The following KDSR variants were observed in gnomAD, a reference collection of about 807,000 sequenced individuals.
KDSR encodes the protein 3-ketodihydrosphingosine reductase, also known as 3-dehydrosphinganine reductase.
Under a neutral mutation model 41.3 loss-of-function variants are expected in KDSR, and 23 were observed. The ratio of observed to expected loss-of-function variants is 0.56; its 90% CI spans 0.40 to 0.79. KDSR has a LOEUF of 0.79. Ranked by LOEUF, KDSR falls within the 30% of genes least tolerant of loss-of-function variation. The pLI is 0.00. For synonymous variants in KDSR, 138 were observed against 151.7 expected (o/e 0.91, Z 0.66); for missense variants, 351 against 416.8 (o/e 0.84, Z 1.37).
At chr18:63,354,916 A>G (rs1048861137) in intron 5 of KDSR, among the ~76,000 whole-genome samples, 18 of 152,198 alleles carry the variant, frequency 1.2e-4, no homozygotes, top group African/African-American at 4.1e-4. Context: ...TCTCTTGAAA[A>G]TATGACCTCA....
At chr18:63,343,330 G>A (rs1411332728) in intron 7 of KDSR, among the ~76,000 whole-genome samples, 1 of 151,774 alleles carries the variant, frequency 6.6e-6, no homozygotes, top group Non-Finnish European at 1.5e-5. Flanking sequence ...AAAGTACTGG[G>A]ATTACAGGTG....
intron 9 of KDSR, among the ~76,000 whole-genome samples, chr18:63,333,757 C>T (rs1914080463): frequency 6.6e-6 from 1 of 152,194 alleles, no homozygotes; most frequent in South Asian, 2.1e-4. Flanking sequence ...AACTGCTTTA[C>T]AGGCCCATGG....
rs952535599 is a variant in KDSR, at chr18:63,329,775, T to C, written c.*2007A>G. 3 of 194,518 alleles carry C rather than the reference T, an allele frequency of 1.5e-5. No individual in the cohort carries two copies. The highest frequency in any genetic ancestry group is 7.0e-5 in the African/African-American group (3 of 43,144). The allele number at this position is 194,518 out of a possible 1,614,324, so 12.0% of individuals were successfully genotyped here. A position where few individuals can be genotyped will look rare whatever the true frequency, so the allele number is the denominator to read the frequency against. On this transcript the variant is annotated 3_prime_UTR_variant, in exon 10 of 10. Transcript: ENST00000645214. ...CACTTTCTTGGACTAGATTCTAATATAGATCAGCAGTAGAAGGTGCCAACA... is the reference window on the plus strand; with the variant it reads ...CACTTTCTTGGACTAGATTCTAATACAGATCAGCAGTAGAAGGTGCCAACA...
chr18:63,363,217 TTC>T (rs1387339981), intron 1 of KDSR, among the ~76,000 whole-genome samples: 2 of 138,430 alleles, frequency 1.4e-5, no homozygotes, highest in African/African-American at 2.7e-5. Flanking sequence ...CTTTTTTTTT[TTC>T]TTTTTTTTTT....
Position 63,351,002 on chromosome 18 carries a change from C to A in KDSR, c.495G>T (p.Val165=). Residue 165 remains valine, a synonymous_variant, in exon 6 of 10, where the codon GTG becomes GTT. Coordinates refer to ENST00000645214, the MANE Select transcript of KDSR (RefSeq NM_002035.4). ...AVITTMKERR[V]GRIVFVSSQA... ...GGGAGGACACAAACACGATCCTGCC[C>A]ACCCGGCGCTCCTTCATGGTGGTGA... 6.2e-7 allele frequency: 1 copy of A among 1,614,190 alleles called. No individual in the cohort carries two copies. Among genetic ancestry groups the A allele is most frequent in the Non-Finnish European group, 8.5e-7 (1 of 1,180,006 alleles).
rs1265713834 is a variant in KDSR, at chr18:63,328,014, G to A, written c.*3768C>T. ...CAAGATTTAGTCCAGAATATGGAAG[G>A]TTCTGGTTGGCAGGTACTTTTTAAA... is the stretch of plus-strand genomic sequence containing the variant. On this transcript the variant is annotated 3_prime_UTR_variant, in exon 10 of 10. Transcript: ENST00000645214. The A allele has an allele frequency of 9.9e-6, 2 of 201,882 alleles. No homozygotes were observed. Among genetic ancestry groups the A allele is most frequent in the Non-Finnish European group, 2.0e-5 (2 of 98,374 alleles). 12.5% of individuals were successfully genotyped at this position (201,882 alleles called of 1,614,324 possible).
chr18:63,334,654 T>C (rs1277433768), intron 9 of KDSR, among the ~76,000 whole-genome samples: 1 of 152,190 alleles, frequency 6.6e-6, no homozygotes, highest in Non-Finnish European at 1.5e-5. Context: ...CGGACTACTA[T>C]CACCTTTTTG....
chr18:63,330,195 T>C lies in KDSR; in HGVS notation c.*1587A>G, dbSNP rs760267541. Reference sequence around the variant, plus strand: ...AGCAAAAAAAAGGTATGCTATAATTTTTAGGTCTTCAATTTTTGTATAGAG... The same window carrying C: ...AGCAAAAAAAAGGTATGCTATAATTCTTAGGTCTTCAATTTTTGTATAGAG... On this transcript the variant is annotated 3_prime_UTR_variant, in exon 10 of 10. Transcript: ENST00000645214. 127 of 199,502 alleles carry C rather than the reference T, an allele frequency of 6.4e-4. No individual in the cohort carries two copies. The highest frequency in any genetic ancestry group is 2.4e-3 in the Admixed American group (40 of 16,638). 12.4% of individuals were successfully genotyped at this position (199,502 alleles called of 1,614,324 possible).
At chr18:63,338,914 A>G in intron 7 of KDSR, 31 bp from the exon 8 acceptor site, 3 of 1,237,864 alleles carry the variant, frequency 2.4e-6, no homozygotes, top group Non-Finnish European at 3.5e-6. Flanking sequence ...ACATAACAAT[A>G]TCATGATTGC....
chr18:63,344,422 T>A lies in KDSR; in HGVS notation c.681A>T (p.Glu227Asp). 1 of 1,613,348 alleles carries A rather than the reference T, an allele frequency of 6.2e-7. No individual in the cohort carries two copies. The highest frequency in any genetic ancestry group is 8.5e-7 in the Non-Finnish European group (1 of 1,179,282). The change falls in exon 7 of 10, where the codon GAA becomes GAT. Residue 227 changes from glutamate (E) to aspartate (D), a missense_variant. Physicochemically the swap from Glu to Asp is conservative, Grantham distance 45. Coordinates refer to ENST00000645214, the MANE Select transcript of KDSR (RefSeq NM_002035.4). ...GTAGGATACTGACCTTTGTTCTGTT[T>A]TCTTCGGCAAAGCCAGGTGTGTCTG... Reference protein sequence around the residue: ...PDTDTPGFAEENRTKPLETRL... With the variant: ...PDTDTPGFAEDNRTKPLETRL...
At chr18:63,352,164 T>C (rs1914676448) in intron 5 of KDSR, among the ~76,000 whole-genome samples, 1 of 152,192 alleles carries the variant, frequency 6.6e-6, no homozygotes, top group South Asian at 2.1e-4. Flanking sequence ...CAAATATTTG[T>C]AAAAATATTA....
intron 9 of KDSR, among the ~76,000 whole-genome samples, chr18:63,333,713 A>T (rs1183303014): frequency 6.6e-6 from 1 of 152,214 alleles, no homozygotes; most frequent in African/African-American, 2.4e-5. Flanking sequence ...TTAAAATCTT[A>T]AACACACACA....
Position 63,331,266 on chromosome 18 carries a change from A to AGAG in KDSR, c.*515_*516insCTC, listed in dbSNP as rs1568273546. The stretch of plus-strand genomic sequence containing the variant: ...CTTGAATAAAATACACAAAGAAAGA[A>AGAG]AGAGAGAGAGAGAGAGAGACAGAGA... On this transcript the variant is annotated 3_prime_UTR_variant, in exon 10 of 10. Coordinates refer to ENST00000645214, the MANE Select transcript of KDSR (RefSeq NM_002035.4). 22 of 163,028 alleles carry AGAG rather than the reference A, an allele frequency of 1.3e-4. No individual in the cohort carries two copies. Among genetic ancestry groups the AGAG allele is most frequent in the African/African-American group, 5.6e-4 (21 of 37,584 alleles). The allele number at this position is 163,028 out of a possible 1,614,324, so 10.1% of individuals were successfully genotyped here. A position where few individuals can be genotyped will look rare whatever the true frequency, so the allele number is the denominator to read the frequency against.
At chr18:63,354,476 G>A (rs868174448) in intron 5 of KDSR, among the ~76,000 whole-genome samples, 2 of 152,026 alleles carry the variant, frequency 1.3e-5, no homozygotes, top group African/African-American at 4.8e-5. Flanking sequence ...GAGACCAGCC[G>A]GGCCAACGTG....
chr18:63,355,041 A>G (rs1914757852), intron 5 of KDSR, among the ~76,000 whole-genome samples, 163 bp downstream of exon 5: 1 of 152,228 alleles, frequency 6.6e-6, no homozygotes, highest in Admixed American at 6.5e-5. Context: ...CACTGGGATG[A>G]AAACCTTGTT....
intron 9 of KDSR, among the ~76,000 whole-genome samples, chr18:63,333,360 A>G (rs1267077204): frequency 5.3e-5 from 8 of 152,230 alleles, no homozygotes; most frequent in Admixed American, 4.6e-4. Context: ...TGCTGAGATT[A>G]TAGGCATGAG....
intron 3 of KDSR, chr18:63,359,484 A>T (rs1365289212): frequency 5.2e-6 from 2 of 383,596 alleles, no homozygotes; most frequent in Non-Finnish European, 4.7e-6. Flanking sequence ...TAAAAAAAAA[A>T]TTAAAATGAA....
rs2144340257 is a variant in KDSR, at chr18:63,328,987, A to G, written c.*2795T>C. On this transcript the variant is annotated 3_prime_UTR_variant, in exon 10 of 10. Transcript: ENST00000645214. ...TAATATTTACGCACTTCTGGGTCCA[A>G]TAGAAGGTGTTGAATCAATGTGATC... The G allele has an allele frequency of 5.1e-6, 1 of 196,744 alleles. No homozygotes were observed. The highest frequency in any genetic ancestry group is 8.0e-5 in the East Asian group (1 of 12,500). The allele number at this position is 196,744 out of a possible 1,614,324, so 12.2% of individuals were successfully genotyped here. A position where few individuals can be genotyped will look rare whatever the true frequency, so the allele number is the denominator to read the frequency against.
At chr18:63,352,722 CTG>C (rs1432865618) in intron 5 of KDSR, among the ~76,000 whole-genome samples, 1 of 152,130 alleles carries the variant, frequency 6.6e-6, no homozygotes, top group Non-Finnish European at 1.5e-5. Context: ...TATGCTGTAA[CTG>C]TAATTACTTC....
Sources: allele counts gnomAD v4.1 joint callset (sites outside exome capture counted in the v4.1 genomes callset), GRCh38; gene constraint gnomAD v4.1.1; transcripts MANE v1.5; gene names NCBI Gene and HGNC (gene_info 2026-07-23, HGNC 2026-07-21).